The following DLGAP2 variants were observed in gnomAD, a reference collection of about 807,000 sequenced individuals.
DLGAP2 encodes the protein disks large-associated protein 2.
DLGAP2 carries 26 observed loss-of-function variants against 100.3 expected under a neutral mutation model. The observed-to-expected ratio is 0.26, with a 90% CI of 0.19 to 0.36. The LOEUF is 0.36. Among genes scored for constraint, DLGAP2 ranks in the 10% least tolerant of loss-of-function variants. The pLI, the probability that DLGAP2 is intolerant of heterozygous loss-of-function variation, is 1.00. For missense variants in DLGAP2, 1,858 were observed against 1,453.2 expected, an observed-to-expected ratio of 1.28 and a Z score of -4.53; for synonymous variants, 886 against 630.1, an observed-to-expected ratio of 1.41 and a Z score of -6.08.
intron 6 of DLGAP2, among the ~76,000 whole-genome samples, chr8:1,619,246 G>T (rs1486179350): frequency 6.6e-6 from 1 of 152,190 alleles, no homozygotes; most frequent in Non-Finnish European, 1.5e-5. Flanking sequence ...AGTCATCCAG[G>T]AGGTGAAAGT....
chr8:1,188,141 C>T (rs1256754087), intron 2 of DLGAP2, among the ~76,000 whole-genome samples: 1 of 142,792 alleles, frequency 7.0e-6, no homozygotes, highest in Non-Finnish European at 1.5e-5. Flanking sequence ...ATCTCGCACG[C>T]CCGGGACTTC....
chr8:1,220,742 T>C lies in DLGAP2; in HGVS notation c.74-38109T>C, dbSNP rs570095963. 2.3e-3 allele frequency among the ~76,000 whole-genome samples: 343 copies of C among 152,356 alleles called. 3 individuals carry two copies. The highest frequency in any genetic ancestry group is 4.6e-3 in the South Asian group (22 of 4,830). On this transcript the variant is annotated intron_variant, in intron 2 of 14. Coordinates refer to ENST00000637795, the MANE Select transcript of DLGAP2 (RefSeq NM_001346810.2). ...ATTACTGTGTGGTTATCAAAGTCTT[T>C]TCATAGGCCTCTGAGAAATTCTTTT... is the stretch of plus-strand genomic sequence containing the variant.
At chr8:856,431 G>A (rs921073800) in intron 1 of DLGAP2, among the ~76,000 whole-genome samples, 1 of 151,950 alleles carries the variant, frequency 6.6e-6, no homozygotes, top group Non-Finnish European at 1.5e-5. Flanking sequence ...GAGGTGATCT[G>A]CCCACCTCGG....
At chr8:861,562 G>A (rs1399461385) in intron 1 of DLGAP2, among the ~76,000 whole-genome samples, 1 of 152,164 alleles carries the variant, frequency 6.6e-6, no homozygotes, top group African/African-American at 2.4e-5. Flanking sequence ...TTAATAAACA[G>A]TCAGGTAGTT....
intron 3 of DLGAP2, among the ~76,000 whole-genome samples, chr8:1,478,950 C>T (rs1043847089): frequency 1.3e-5 from 2 of 152,230 alleles, no homozygotes; most frequent in Admixed American, 6.5e-5. Flanking sequence ...CAGGCTGCAG[C>T]GTTAGCCACA....
intron 4 of DLGAP2, among the ~76,000 whole-genome samples, chr8:1,507,438 C>T (rs1037967110): frequency 6.6e-6 from 1 of 152,178 alleles, no homozygotes; most frequent in Non-Finnish European, 1.5e-5. Flanking sequence ...TGGCCGGCCG[C>T]TCCAAGTGCG....
Position 1,228,339 on chromosome 8 carries a change from A to G in DLGAP2, c.74-30512A>G, listed in dbSNP as rs576734193. ...AATCAAGCTAACTATGCCAAAGGAA[A>G]TCCAGGTTCAGATGGTCTCACTGGT... is the stretch of plus-strand genomic sequence containing the variant. On this transcript the variant is annotated intron_variant, in intron 2 of 14. Transcript: ENST00000637795. Among the ~76,000 whole-genome samples the G allele has an allele frequency of 6.6e-5, 10 of 152,232 alleles. 2 individuals carry two copies. The South Asian group carries it at 2.1e-3, about 31-fold the overall frequency.
chr8:1,370,038 T>A (rs1802200362), intron 3 of DLGAP2, among the ~76,000 whole-genome samples: 1 of 151,960 alleles, frequency 6.6e-6, no homozygotes, highest in Admixed American at 6.6e-5. Context: ...CCTCCCCAGT[T>A]GCGGTCCAGC....
At chr8:1,103,223 G>A (rs1223584402) in intron 2 of DLGAP2, among the ~76,000 whole-genome samples, 1 of 152,200 alleles carries the variant, frequency 6.6e-6, no homozygotes, top group Non-Finnish European at 1.5e-5. Flanking sequence ...GCTGCCCTGG[G>A]CGTCGTCTGG....
intron 2 of DLGAP2, among the ~76,000 whole-genome samples, chr8:1,029,860 C>A (rs1801925739): frequency 6.6e-6 from 1 of 152,066 alleles, no homozygotes; most frequent in Non-Finnish European, 1.5e-5. Context: ...CTGGGGAAGG[C>A]AAGAGCTTAT....
Position 1,125,552 on chromosome 8 carries a change from A to G in DLGAP2, c.74-133299A>G, listed in dbSNP as rs1375691427. 2.0e-5 allele frequency among the ~76,000 whole-genome samples: 3 copies of G among 152,238 alleles called. No homozygotes were observed. In the East Asian group the frequency reaches 5.8e-4, roughly 29 times the overall value. On this transcript the variant is annotated intron_variant, in intron 2 of 14. Coordinates refer to ENST00000637795, the MANE Select transcript of DLGAP2 (RefSeq NM_001346810.2). Reference sequence around the variant, plus strand: ...GATGAAAACAACTCAACTCTTAAAAATAGGGGCTATTTCTTCTTGCGATCT... The same window carrying G: ...GATGAAAACAACTCAACTCTTAAAAGTAGGGGCTATTTCTTCTTGCGATCT...
intron 3 of DLGAP2, among the ~76,000 whole-genome samples, chr8:1,322,889 A>G (rs891894415): frequency 1.3e-5 from 2 of 152,194 alleles, no homozygotes; most frequent in Non-Finnish European, 2.9e-5. Context: ...TATTATAATC[A>G]TTGTGTACTA....
intron 1 of DLGAP2, among the ~76,000 whole-genome samples, chr8:892,502 C>T (rs1295070425): frequency 6.6e-6 from 1 of 152,038 alleles, no homozygotes; most frequent in South Asian, 2.1e-4. Flanking sequence ...GCTGCAGATT[C>T]ATAGAGGCAG....
intron 1 of DLGAP2, among the ~76,000 whole-genome samples, chr8:804,536 G>C (rs7464131): frequency 0.23 from 34,912 of 152,086 alleles, 4,950 homozygotes; most frequent in Admixed American, 0.42. Context: ...ACATGCTATG[G>C]TTTGCTCTGT....
intron 3 of DLGAP2, among the ~76,000 whole-genome samples, chr8:1,282,786 G>T (rs1478271303): frequency 1.0e-5 from 1 of 97,734 alleles, no homozygotes; most frequent in African/African-American, 4.4e-5. Flanking sequence ...GACATGGTGT[G>T]ACCTGAGCCC....
chr8:1,505,875 A>G (rs1293267941), intron 4 of DLGAP2, among the ~76,000 whole-genome samples: 1 of 152,206 alleles, frequency 6.6e-6, no homozygotes, highest in Non-Finnish European at 1.5e-5. Flanking sequence ...ATTTATTTGC[A>G]TCTATGAAGA....
chr8:1,221,945 G>A (rs1031959978), intron 2 of DLGAP2, among the ~76,000 whole-genome samples: 3 of 152,064 alleles, frequency 2.0e-5, no homozygotes, highest in Non-Finnish European at 4.4e-5. Flanking sequence ...TTTATTTCCA[G>A]TTCTGTTTGG....
intron 2 of DLGAP2, among the ~76,000 whole-genome samples, chr8:1,204,900 C>G (rs1246665058): frequency 1.3e-5 from 2 of 152,328 alleles, no homozygotes; most frequent in Middle Eastern, 6.8e-3. Context: ...GGTCCCAGAG[C>G]TGACCAGGGC....
chr8:1,671,476 C>T (rs927617931), intron 10 of DLGAP2, among the ~76,000 whole-genome samples: 3 of 152,222 alleles, frequency 2.0e-5, no homozygotes, highest in Non-Finnish European at 4.4e-5. Flanking sequence ...GTGGAGCTCA[C>T]GCCCTCTGTG....
Sources: gnomAD v4.1 joint callset for allele counts (sites outside exome capture counted in the v4.1 genomes callset) on GRCh38, gnomAD v4.1.1 for gene constraint, MANE v1.5 for transcripts, NCBI Gene and HGNC (gene_info 2026-07-23, HGNC 2026-07-21) for gene names.